SLC24A2: variants seen among roughly 807,000 people sequenced by gnomAD.
SLC24A2 encodes the protein solute carrier family 24 member 2, also known as sodium/potassium/calcium exchanger 2.
SLC24A2 carries 36 observed loss-of-function variants against 62.0 expected under a neutral mutation model. That is an observed-to-expected ratio of 0.58 (90% CI 0.44 to 0.77). The LOEUF (loss-of-function observed/expected upper bound fraction) is 0.77. Among genes scored for constraint, SLC24A2 ranks in the 30% least tolerant of loss-of-function variants. The probability of loss-of-function intolerance (pLI) is 0.00; values close to 1 mark genes in which losing one functional copy is unlikely to be tolerated. For synonymous variants in SLC24A2, 358 were observed against 294.0 expected (o/e 1.22, Z -2.23); for missense variants, 846 against 817.9 (o/e 1.03, Z -0.42).
chr9:19,969,182 G>C, the SLC24A2 span, among the ~76,000 whole-genome samples: 1 of 33,474 alleles, frequency 3.0e-5, no homozygotes, highest in South Asian at 9.0e-4. Flanking sequence ...CACCTCCTTT[G>C]CCACACACAC....
At chr9:20,141,601 G>T in the SLC24A2 span, among the ~76,000 whole-genome samples, 9 of 151,478 alleles carry the variant, frequency 5.9e-5, no homozygotes, top group South Asian at 1.5e-3. Flanking sequence ...ACTTGAGAAA[G>T]CCCTGCCTCA....
At chr9:20,181,662 G>T in the SLC24A2 span, among the ~76,000 whole-genome samples, 1 of 152,172 alleles carries the variant, frequency 6.6e-6, no homozygotes, top group African/African-American at 2.4e-5. Context: ...TTAAAGGTAA[G>T]ACCTAAAACC....
chr9:19,923,890 G>A, the SLC24A2 span, among the ~76,000 whole-genome samples: 5 of 152,172 alleles, frequency 3.3e-5, no homozygotes, highest in Admixed American at 3.3e-4. Flanking sequence ...TGGGATTACA[G>A]GTGTGCACCA....
At chr9:20,023,012 T>C in the SLC24A2 span, among the ~76,000 whole-genome samples, 3 of 152,196 alleles carry the variant, frequency 2.0e-5, no homozygotes, top group Non-Finnish European at 4.4e-5. Flanking sequence ...GAATTAAATT[T>C]AAGTGGGAAT....
chr9:19,563,361 A>G (rs1835497354), intron 7 of SLC24A2, among the ~76,000 whole-genome samples: 1 of 151,600 alleles, frequency 6.6e-6, no homozygotes, highest in African/African-American at 2.4e-5. Flanking sequence ...AAGTTTGAAA[A>G]TGGTGGACCT....
chr9:19,972,476 A>T, the SLC24A2 span, among the ~76,000 whole-genome samples: 1 of 152,050 alleles, frequency 6.6e-6, no homozygotes, highest in South Asian at 2.1e-4. Context: ...TCTAACTACA[A>T]CCTTTCAAAG....
the SLC24A2 span, among the ~76,000 whole-genome samples, chr9:20,019,245 GAAGGAA>G: frequency 7.6e-5 from 10 of 132,152 alleles, no homozygotes; most frequent in South Asian, 2.3e-3. Context: ...GAAAAAGAAA[GAAGGAA>G]AGAGAAAGAA....
chr9:19,700,873 T>C (rs938853449), intron 2 of SLC24A2, among the ~76,000 whole-genome samples: 1 of 152,184 alleles, frequency 6.6e-6, no homozygotes, highest in Admixed American at 6.5e-5. Context: ...CCTCATGGTG[T>C]TACTGCTATT....
the SLC24A2 span, among the ~76,000 whole-genome samples, chr9:20,059,570 C>T: frequency 6.6e-6 from 1 of 151,996 alleles, no homozygotes; most frequent in Admixed American, 6.6e-5. Flanking sequence ...AAATAAATCA[C>T]AAGGCAATTA....
At chr9:19,635,623 T>C (rs970085771) in intron 2 of SLC24A2, among the ~76,000 whole-genome samples, 3 of 152,218 alleles carry the variant, frequency 2.0e-5, no homozygotes, top group South Asian at 2.1e-4. Flanking sequence ...CGTGCTTATA[T>C]TGACATTTCT....
the SLC24A2 span, among the ~76,000 whole-genome samples, chr9:20,231,900 A>T: frequency 6.6e-6 from 1 of 152,060 alleles, no homozygotes. Context: ...TTATTTTGAG[A>T]TATGTCCCAT....
chr9:19,702,431 C>T (rs573916073), intron 2 of SLC24A2, among the ~76,000 whole-genome samples: 21 of 152,274 alleles, frequency 1.4e-4, no homozygotes, highest in African/African-American at 4.8e-4. Flanking sequence ...CAAATGATCT[C>T]GATACACTTT....
the SLC24A2 span, among the ~76,000 whole-genome samples, chr9:19,995,144 G>A: frequency 6.6e-6 from 1 of 151,756 alleles, no homozygotes; most frequent in Non-Finnish European, 1.5e-5. Flanking sequence ...AGGGATTGAG[G>A]ATTGAAATCT....
intron 2 of SLC24A2, among the ~76,000 whole-genome samples, chr9:19,757,101 T>C (rs937708880): frequency 1.3e-5 from 2 of 151,942 alleles, no homozygotes; most frequent in Non-Finnish European, 2.9e-5. Flanking sequence ...CAGAAATGCC[T>C]ACCTCAAAAT....
chr9:19,892,126 G>A, the SLC24A2 span, among the ~76,000 whole-genome samples: 2 of 151,800 alleles, frequency 1.3e-5, no homozygotes, highest in African/African-American at 4.8e-5. Flanking sequence ...TGTACTTCAG[G>A]GTCTTTGCAC....
intron 7 of SLC24A2, among the ~76,000 whole-genome samples, chr9:19,564,508 G>C (rs1835568675): frequency 6.7e-6 from 1 of 149,636 alleles, no homozygotes; most frequent in African/African-American, 2.4e-5. Context: ...TCTGTCTTCA[G>C]TCATCTGTTA....
chr9:20,039,127 C>T, the SLC24A2 span, among the ~76,000 whole-genome samples: 20 of 152,168 alleles, frequency 1.3e-4, no homozygotes, highest in African/African-American at 4.6e-4. Context: ...GGAAAGGAGG[C>T]GGCATGGTGT....
chr9:20,127,033 T>C, the SLC24A2 span, among the ~76,000 whole-genome samples: 2 of 152,144 alleles, frequency 1.3e-5, no homozygotes, highest in Admixed American at 1.3e-4. Context: ...TCATCTCTTT[T>C]TTTCTATAGA....
At chr9:19,739,381 AG>A (rs1821606123) in intron 2 of SLC24A2, among the ~76,000 whole-genome samples, 1 of 152,188 alleles carries the variant, frequency 6.6e-6, no homozygotes, top group African/African-American at 2.4e-5. Context: ...AAGGCCAAAA[AG>A]AATCAAGAAA....
Sources: gnomAD v4.1 joint callset for allele counts (sites outside exome capture counted in the v4.1 genomes callset) on GRCh38, gnomAD v4.1.1 for gene constraint, MANE v1.5 for transcripts, NCBI Gene and HGNC (gene_info 2026-07-23, HGNC 2026-07-21) for gene names.